The following KCNMB1 variants were observed in gnomAD, a reference collection of about 807,000 sequenced individuals.
KCNMB1 encodes potassium calcium-activated channel subfamily M regulatory beta subunit 1, also known as calcium-activated potassium channel subunit beta-1.
Under a neutral mutation model 21.7 loss-of-function variants are expected in KCNMB1, and 22 were observed. The ratio of observed to expected loss-of-function variants is 1.01; its 90% CI spans 0.72 to 1.45. The LOEUF is 1.45. KCNMB1 is among the 40% of genes most tolerant of loss of function. The pLI is 0.00. For synonymous variants in KCNMB1, 114 were observed against 107.6 expected, an observed-to-expected ratio of 1.06 and a Z score of -0.37; for missense variants, 243 against 243.4, an observed-to-expected ratio of 1.00 and a Z score of 0.01.
intron 3 of KCNMB1, chr5:170,382,978 AG>A (rs1764306787): frequency 7.0e-6 from 1 of 143,650 alleles, no homozygotes; most frequent in Non-Finnish European, 1.5e-5. Context: ...GGAGGGAGAG[AG>A]GGAGGGAAGG....
At chr5:170,383,593 C>T (rs1394252040) in intron 3 of KCNMB1, 86 bp downstream of exon 3, 4 of 1,474,844 alleles carry the variant, frequency 2.7e-6, no homozygotes, top group African/African-American at 1.4e-5. Flanking sequence ...TGATCTTTCT[C>T]AGCCTCGGGG....
chr5:170,383,013 AAAG>A (rs1764311138), intron 3 of KCNMB1: 1 of 152,554 alleles, frequency 6.6e-6, no homozygotes. Flanking sequence ...AAAAGAAAAG[AAAG>A]AAGGAGGGAA....
intron 3 of KCNMB1, chr5:170,382,774 C>A (rs1764296507): frequency 6.6e-6 from 1 of 152,140 alleles, no homozygotes; most frequent in African/African-American, 2.4e-5. Flanking sequence ...GGAAAACATC[C>A]CCCTCCTCTA....
At chr5:170,382,997 GGA>G (rs146048020) in intron 3 of KCNMB1, 46,107 of 149,544 alleles carry the variant, frequency 0.31, 7,161 homozygotes, top group South Asian at 0.36. Context: ...AGGAGGGAGG[GGA>G]AAAAAAAGAA....
At position 170,377,175 on chromosome 5, in the gene KCNMB1, C is replaced by A. The variant is rs137959944; in HGVS notation, c.*1529G>T. 1 of 152,264 alleles carries A rather than the reference C, an allele frequency of 6.6e-6. No individual in the cohort carries two copies. Among genetic ancestry groups the A allele is most frequent in the African/African-American group, 2.4e-5 (1 of 41,446 alleles). The allele number at this position is 152,264 out of a possible 1,614,324, so 9.4% of individuals were successfully genotyped here. ...CACTCACCTGCTCTGAAAATCCTCG[C>A]GACAGGACGCTCACTTCCTACACCG... On this transcript the variant is annotated 3_prime_UTR_variant, in exon 4 of 4. Transcript: ENST00000274629.
In KCNMB1 at chr5:170,377,259, C is replaced by T. The variant is rs1182445142; in HGVS notation, c.*1445G>A. On this transcript the variant is annotated 3_prime_UTR_variant, in exon 4 of 4. Coordinates refer to ENST00000274629, the MANE Select transcript of KCNMB1 (RefSeq NM_004137.4). Reference sequence around the variant, plus strand: ...CCCTACGCATTGTTAGAACACAGAACATTGCTACCCCCACCCCGTGCAGGG... The same window carrying T: ...CCCTACGCATTGTTAGAACACAGAATATTGCTACCCCCACCCCGTGCAGGG... The T allele has an allele frequency of 6.6e-6, 1 of 152,256 alleles. No homozygotes were observed. The highest frequency in any genetic ancestry group is 2.4e-5 in the African/African-American group (1 of 41,448). The allele number at this position is 152,256 out of a possible 1,614,324, so 9.4% of individuals were successfully genotyped here.
At position 170,378,947 on chromosome 5, in the gene KCNMB1, G is replaced by T; in HGVS notation, c.333C>A (p.Asp111Glu). ...QQCSYIPGSV[D>E]NYQTARADVE... The stretch of plus-strand genomic sequence containing the variant: ...CGTCGGCCCGGGCCGTCTGGTAATT[G>T]TCCACGCTGCCTGGGATGTAGGAGC... Residue 111 changes from aspartate to glutamate, a missense_variant, in exon 4 of 4, where the codon GAC (aspartate) becomes GAA (glutamate). Asp to Glu is a conservative substitution (Grantham distance 45, BLOSUM62 2). Transcript: ENST00000274629. 6.2e-7 allele frequency: 1 copy of T among 1,614,120 alleles called. No individual in the cohort carries two copies. The highest frequency in any genetic ancestry group is 8.5e-7 in the Non-Finnish European group (1 of 1,179,952).
chr5:170,383,667 C>T lies in KCNMB1; in HGVS notation c.306+12G>A. 2 of 1,613,986 alleles carry T rather than the reference C, an allele frequency of 1.2e-6. No individual in the cohort carries two copies. The highest frequency in any genetic ancestry group is 8.5e-7 in the Non-Finnish European group (1 of 1,179,892). ...GATAAAGGGATGTGTCCCCATCCCT[C>T]CAGTTCAGTACCTGCTGGTTCTGGT... On this transcript the variant is annotated intron_variant, in intron 3 of 3. Coordinates refer to ENST00000274629, the MANE Select transcript of KCNMB1 (RefSeq NM_004137.4).
Position 170,378,513 on chromosome 5 carries a change from C to T in KCNMB1, c.*191G>A. ...TCCAAGGCATTGGGGAGCCACTGTA[C>T]ATTCTTGAGCAGGCAATGACTTCAC... On this transcript the variant is annotated 3_prime_UTR_variant, in exon 4 of 4. Transcript: ENST00000274629. 1 of 674,098 alleles carries T rather than the reference C, an allele frequency of 1.5e-6. No individual in the cohort carries two copies. The highest frequency in any genetic ancestry group is 2.5e-6 in the Non-Finnish European group (1 of 401,202). The allele number at this position is 674,098 out of a possible 1,614,324, so 41.8% of individuals were successfully genotyped here.
chr5:170,385,636 G>A (rs1484908189), intron 1 of KCNMB1, among the ~76,000 whole-genome samples, 165 bp from the exon 2 acceptor site: 1 of 152,060 alleles, frequency 6.6e-6, no homozygotes, highest in African/African-American at 2.4e-5. Context: ...CCCCATGTAA[G>A]CCTTCCCTGT....
At chr5:170,382,913 A>G (rs1288964501) in intron 3 of KCNMB1, 4 of 152,958 alleles carry the variant, frequency 2.6e-5, no homozygotes. Context: ...CTGTTGAATA[A>G]ATAAATGAGA....
chr5:170,379,828 T>C (rs1349233096), intron 3 of KCNMB1, among the ~76,000 whole-genome samples: 1 of 152,030 alleles, frequency 6.6e-6, no homozygotes, highest in Non-Finnish European at 1.5e-5. Context: ...GTGGTGTACC[T>C]GTAGTCCCAG....
In KCNMB1 at chr5:170,384,889, G is replaced by A. The variant is rs557343936; in HGVS notation, c.134+425C>T. Among the ~76,000 whole-genome samples, 18 of 152,304 alleles carry A rather than the reference G, an allele frequency of 1.2e-4. No individual in the cohort carries two copies. The East Asian group carries it at 1.5e-3, about 13-fold the overall frequency. The stretch of plus-strand genomic sequence containing the variant: ...TGTTCAGTGAGGCAAGGAGCTCCCC[G>A]TCTCTTGAGGTATTCATCAGGAGGC... On this transcript the variant is annotated intron_variant, in intron 2 of 3. Coordinates refer to ENST00000274629, the MANE Select transcript of KCNMB1 (RefSeq NM_004137.4).
chr5:170,388,805 G>T (rs1764590897), intron 1 of KCNMB1, among the ~76,000 whole-genome samples: 1 of 152,204 alleles, frequency 6.6e-6, no homozygotes, highest in African/African-American at 2.4e-5. Context: ...TTCAGCTAAA[G>T]ATCAAATGCC....
At chr5:170,387,637 GC>G (rs1455404813) in intron 1 of KCNMB1, among the ~76,000 whole-genome samples, 1 of 152,146 alleles carries the variant, frequency 6.6e-6, no homozygotes, top group Non-Finnish European at 1.5e-5. Flanking sequence ...AGCAGAAATT[GC>G]CCCCGACAAA....
rs1468523104 is a variant in KCNMB1 at position 170,375,356 on chromosome 5, C to T, written c.*3348G>A. 1 of 152,232 alleles carries T rather than the reference C, an allele frequency of 6.6e-6. No homozygotes were observed. Among genetic ancestry groups the T allele is most frequent in the Admixed American group, 6.5e-5 (1 of 15,292 alleles). The allele number at this position is 152,232 out of a possible 1,614,324, so 9.4% of individuals were successfully genotyped here. On this transcript the variant is annotated 3_prime_UTR_variant, in exon 4 of 4. Coordinates refer to ENST00000274629, the MANE Select transcript of KCNMB1 (RefSeq NM_004137.4). ...AGCTGCCTGCCTTTGGAAGGAAGGT[C>T]CACCAGGTAAGAAACTGGAGGCCAC...
At chr5:170,380,812 C>A (rs1325883348) in intron 3 of KCNMB1, among the ~76,000 whole-genome samples, 1 of 152,170 alleles carries the variant, frequency 6.6e-6, no homozygotes, top group East Asian at 1.9e-4. Context: ...TCAGACAGGC[C>A]TGAGTTCTGA....
chr5:170,382,351 C>T (rs966830463), intron 3 of KCNMB1, among the ~76,000 whole-genome samples: 17 of 152,166 alleles, frequency 1.1e-4, no homozygotes, highest in Non-Finnish European at 2.1e-4. Flanking sequence ...AAGACTCTTA[C>T]AGGGTTCTAA....
Position 170,383,819 on chromosome 5 carries a change from T to A in KCNMB1, c.166A>T (p.Ile56Phe). Residue 56 changes from isoleucine to phenylalanine, a missense_variant, in exon 3 of 4, where the codon ATT becomes TTT. By Grantham distance (21) the Ile-to-Phe change is conservative. Transcript: ENST00000274629. ...VWTQESKCHL[I>F]ETNIRDQEEL... ...TCCTGGTCCCTGATGTTGGTCTCAATCAGGTGGCACTTGGATTCCTGGGTC... is the reference window on the plus strand; with the variant it reads ...TCCTGGTCCCTGATGTTGGTCTCAAACAGGTGGCACTTGGATTCCTGGGTC... 6.2e-7 allele frequency: 1 copy of A among 1,614,092 alleles called. No homozygotes were observed. Among genetic ancestry groups the A allele is most frequent in the Non-Finnish European group, 8.5e-7 (1 of 1,180,008 alleles).
Sources: gnomAD v4.1 joint callset for allele counts (sites outside exome capture counted in the v4.1 genomes callset) on GRCh38, gnomAD v4.1.1 for gene constraint, MANE v1.5 for transcripts, NCBI Gene and HGNC (gene_info 2026-07-23, HGNC 2026-07-21) for gene names.